The following CCNL1 variants were observed in gnomAD, a reference collection of about 807,000 sequenced individuals.
CCNL1 encodes cyclin-L1.
CCNL1 carries 13 observed loss-of-function variants against 60.6 expected under a neutral mutation model. That is an observed-to-expected ratio of 0.21 (90% confidence interval 0.14 to 0.34). The LOEUF (loss-of-function observed/expected upper bound fraction) is 0.34, where lower values mean the gene tolerates loss of function less well. Among genes scored for constraint, CCNL1 ranks in the 10% least tolerant of loss-of-function variants. CCNL1 has a pLI of 1.00. For missense variants in CCNL1, 481 were observed against 664.3 expected (o/e 0.72, Z 3.03); for synonymous variants, 270 against 244.3 (o/e 1.10, Z -0.98).
chr3:157,152,437 A>T lies in CCNL1; in HGVS notation c.610-196T>A, dbSNP rs1372174216. On this transcript the variant is annotated intron_variant, in intron 4 of 10. Transcript: ENST00000295926. ...TTTTATATAAATTATGTTTAGAAGC[A>T]TATTTCAAAATTGTACAGGAAAAAA... 5 of 1,269,964 alleles carry T rather than the reference A, an allele frequency of 3.9e-6. No homozygotes were observed. In the African/African-American group the frequency reaches 6.3e-5, roughly 16 times the overall value. 78.7% of individuals were successfully genotyped at this position (1,269,964 alleles called of 1,614,324 possible). A position where few individuals can be genotyped will look rare whatever the true frequency, so the allele number is the denominator to read the frequency against.
chr3:157,159,422 C>T lies in CCNL1; in HGVS notation c.361G>A (p.Val121Ile). The T allele has an allele frequency of 6.2e-7, 1 of 1,614,108 alleles. No homozygotes were observed. The highest frequency in any genetic ancestry group is 8.5e-7 in the Non-Finnish European group (1 of 1,179,976). Residue 121 changes from valine (V) to isoleucine (I), a missense_variant, in exon 2 of 11, where the codon GTC (valine) becomes ATC (isoleucine). Physicochemically the swap from Val to Ile is conservative, Grantham distance 29. Coordinates refer to ENST00000295926, the MANE Select transcript of CCNL1 (RefSeq NM_020307.4). Reference sequence around the variant, plus strand: ...GTGCTTACCTCGAAACTGTGTTTGACGAAAGATTTGGAGTAGAAAAAACGA... The same window carrying T: ...GTGCTTACCTCGAAACTGTGTTTGATGAAAGATTTGGAGTAGAAAAAACGA... ...FHRFFYSKSF[V>I]KHSFEIVAMA...
rs776591955 is a variant in CCNL1, at chr3:157,148,384, C to A, written c.1438G>T (p.Asp480Tyr). Residue 480 changes from aspartate (D) to tyrosine (Y), a missense_variant, in exon 11 of 11, where the codon GAT becomes TAT. Around this residue, in one of 5 missense-constraint regions of CCNL1, gnomAD observed 197 missense variants for 233.9 expected, o/e 0.84. Transcript: ENST00000295926. ...TGTTTCTTGGCTGCATCTGAGTGAT[C>A]CCGAGACTTGCTCTGAGATCGAGAA... ...SRSRSQSKSRDHSDAAKKHRH... is the reference protein window; with the variant it reads ...SRSRSQSKSRYHSDAAKKHRH... 3 of 1,614,198 alleles carry A rather than the reference C, an allele frequency of 1.9e-6. No individual in the cohort carries two copies. Among genetic ancestry groups the A allele is most frequent in the Non-Finnish European group, 1.7e-6 (2 of 1,180,040 alleles).
In CCNL1 at chr3:157,159,430, T is replaced by C. The variant is rs761992987; in HGVS notation, c.353A>G (p.Lys118Arg). 5 of 1,614,108 alleles carry C rather than the reference T, an allele frequency of 3.1e-6. No individual in the cohort carries two copies. The highest frequency in any genetic ancestry group is 2.2e-5 in the East Asian group (1 of 44,870). ...QVLFHRFFYS[K>R]SFVKHSFEIV... ...CTCGAAACTGTGTTTGACGAAAGAT[T>C]TGGAGTAGAAAAAACGATGAAACAA... Residue 118 changes from lysine (K) to arginine (R), a missense_variant, in exon 2 of 11, where the codon AAA (lysine) becomes AGA (arginine). By Grantham distance (26) the Lys-to-Arg change is conservative. Transcript: ENST00000295926.
chr3:157,146,419 G>A (rs966040707), downstream of CCNL1: 2 of 386,156 alleles, frequency 5.2e-6, no homozygotes, highest in African/African-American at 2.2e-5. Flanking sequence ...CCACATGCAG[G>A]TGTATCCTCC....
At chr3:157,155,479 A>G (rs75845651) in intron 3 of CCNL1, among the ~76,000 whole-genome samples, 3,548 of 152,244 alleles carry the variant, frequency 0.023, 136 homozygotes, top group African/African-American at 0.081. Context: ...ATTATTTACT[A>G]TAATTCAATA....
At position 157,158,910 on chromosome 3, in the gene CCNL1, A is replaced by G. The variant is rs1438993417; in HGVS notation, c.444T>C (p.Asp148=). 1.9e-6 allele frequency: 3 copies of G among 1,613,638 alleles called. No homozygotes were observed. Among genetic ancestry groups the G allele is most frequent in the Non-Finnish European group, 1.7e-6 (2 of 1,179,830 alleles). The change falls in exon 3 of 11, where the codon GAT becomes GAC. Residue 148 remains aspartate, a synonymous_variant. Transcript: ENST00000295926. ...KIEEAPRRIR[D]VINVFHHLRQ... ...GGAGGTGGTGGAATACATTAATCACATCTCTTATTCTTCTAGGTGCTTCTT... is the reference window on the plus strand; with the variant it reads ...GGAGGTGGTGGAATACATTAATCACGTCTCTTATTCTTCTAGGTGCTTCTT...
chr3:157,145,669 A>G (rs780745592), downstream of CCNL1, among the ~76,000 whole-genome samples: 3 of 152,156 alleles, frequency 2.0e-5, no homozygotes, highest in Non-Finnish European at 2.9e-5. Flanking sequence ...TGAGGCAGCA[A>G]CCTAGTTTTC....
Position 157,149,287 on chromosome 3 carries a change from T to C in CCNL1, c.1232A>G (p.His411Arg). 1 of 1,607,242 alleles carries C rather than the reference T, an allele frequency of 6.2e-7. No individual in the cohort carries two copies. Among genetic ancestry groups the C allele is most frequent in the Non-Finnish European group, 8.5e-7 (1 of 1,173,816 alleles). ...CTTCCCTAAGAAAACATTTACTTAC[T>C]GTCTTCTTGGAGTATGTGATCTAGA... ...SRSRSHTPRR[H>R]YNNRRSRSGT... is the part of the protein sequence containing the mutation. The change falls in exon 10 of 11, where the codon CAC becomes CGC. Residue 411 changes from histidine (H) to arginine (R), a missense_variant and splice_region_variant. By Grantham distance (29) the His-to-Arg change is conservative. This residue lies in a region of CCNL1 where 197 missense variants were observed against 233.9 expected (regional missense o/e 0.84). Coordinates refer to ENST00000295926, the MANE Select transcript of CCNL1 (RefSeq NM_020307.4).
downstream of CCNL1, among the ~76,000 whole-genome samples, chr3:157,143,428 AAG>A (rs1194479669): frequency 6.6e-6 from 1 of 152,232 alleles, no homozygotes; most frequent in Non-Finnish European, 1.5e-5. Context: ...AGGCTTTAAA[AAG>A]AGTCACTCAG....
intron 3 of CCNL1, 65 bp downstream of exon 3, chr3:157,158,801 A>T (rs1290183677): frequency 2.0e-6 from 2 of 1,007,762 alleles, no homozygotes; most frequent in Non-Finnish European, 3.0e-6. Context: ...AGATGTTTTG[A>T]TTTGATGACT....
chr3:157,147,920 C>T lies in CCNL1; in HGVS notation c.*321G>A. On this transcript the variant is annotated 3_prime_UTR_variant, in exon 11 of 11. Coordinates refer to ENST00000295926, the MANE Select transcript of CCNL1 (RefSeq NM_020307.4). Reference sequence around the variant, plus strand: ...AACCACTTAAATAGAACAGTGTCTGCAATTTTATCTGTATAAAAATAAGAT... The same window carrying T: ...AACCACTTAAATAGAACAGTGTCTGTAATTTTATCTGTATAAAAATAAGAT... 1.9e-6 allele frequency: 2 copies of T among 1,046,626 alleles called. No individual in the cohort carries two copies. The highest frequency in any genetic ancestry group is 2.3e-6 in the Non-Finnish European group (2 of 870,238). The allele number at this position is 1,046,626 out of a possible 1,614,324, so 64.8% of individuals were successfully genotyped here.
chr3:157,148,415 T>G lies in CCNL1; in HGVS notation c.1407A>C (p.Lys469Asn). 1 of 1,614,086 alleles carries G rather than the reference T, an allele frequency of 6.2e-7. No homozygotes were observed. Among genetic ancestry groups the G allele is most frequent in the Non-Finnish European group, 8.5e-7 (1 of 1,180,020 alleles). The part of the protein sequence containing the change: ...SSNRHGHKRK[K>N]SRSRSQSKSR... ...ACTTGCTCTGAGATCGAGAACGAGATTTTTTCCTTTTATGACCATGTCTGT... is the reference window on the plus strand; with the variant it reads ...ACTTGCTCTGAGATCGAGAACGAGAGTTTTTCCTTTTATGACCATGTCTGT... Residue 469 changes from lysine to asparagine, a missense_variant, in exon 11 of 11, where the codon AAA becomes AAC. Coordinates refer to ENST00000295926, the MANE Select transcript of CCNL1 (RefSeq NM_020307.4).
chr3:157,154,935 T>A (rs1158090444), intron 3 of CCNL1, among the ~76,000 whole-genome samples: 1 of 145,770 alleles, frequency 6.9e-6, no homozygotes, highest in Non-Finnish European at 1.5e-5. Flanking sequence ...TCCATATATA[T>A]ACATACATAC....
At chr3:157,151,816 C>T (rs1738219196) in intron 5 of CCNL1, 3 of 1,117,970 alleles carry the variant, frequency 2.7e-6, no homozygotes, top group Non-Finnish European at 3.3e-6. Flanking sequence ...CAGTGAATCT[C>T]GGATGAGAGC....
downstream of CCNL1, among the ~76,000 whole-genome samples, chr3:157,145,341 G>A (rs9756073): frequency 0.054 from 8,177 of 150,436 alleles, 646 homozygotes; most frequent in African/African-American, 0.18. Flanking sequence ...AGGAGGCTGA[G>A]GCAGGAGAAT....
downstream of CCNL1, among the ~76,000 whole-genome samples, chr3:157,145,299 G>T (rs983766151): frequency 2.6e-5 from 4 of 151,852 alleles, no homozygotes; most frequent in African/African-American, 9.7e-5. Flanking sequence ...TAGCCAGGGC[G>T]TGGTGGCAGG....
At chr3:157,152,876 C>A (rs1233412531) in intron 4 of CCNL1, 160 bp downstream of exon 4, 5 of 1,384,134 alleles carry the variant, frequency 3.6e-6, no homozygotes, top group Non-Finnish European at 4.7e-6. Flanking sequence ...TGATAAATCT[C>A]AACATCCAAA....
chr3:157,151,423 T>C, intron 5 of CCNL1: 3 of 985,846 alleles, frequency 3.0e-6, no homozygotes, highest in South Asian at 9.4e-5. Context: ...CTAAAGCATT[T>C]AAGCAATATT....
At chr3:157,144,288 T>G (rs1046413748), downstream of CCNL1, among the ~76,000 whole-genome samples, 1 of 152,248 alleles carries the variant, frequency 6.6e-6, no homozygotes, top group Non-Finnish European at 1.5e-5. Context: ...AACAGCTATC[T>G]TTTGAACTGT....
Sources: allele counts gnomAD v4.1 joint callset (sites outside exome capture counted in the v4.1 genomes callset), GRCh38; gene constraint gnomAD v4.1.1; regional missense constraint gnomAD v4.1.1; transcripts MANE v1.5; gene names NCBI Gene and HGNC (gene_info 2026-07-23, HGNC 2026-07-21).